Variants in ATP11A observed in about 807,000 individuals in gnomAD.
ATP11A encodes the protein phospholipid-transporting ATPase IH.
In ATP11A, 81 loss-of-function variants were observed where a neutral mutation model predicts 154.4. That is an observed-to-expected ratio of 0.52 (90% CI 0.44 to 0.63). ATP11A has a LOEUF of 0.63. Ranked by LOEUF, ATP11A falls within the 30% of genes least tolerant of loss-of-function variation. ATP11A has a pLI of 0.00. For synonymous variants in ATP11A, 623 were observed against 585.9 expected, an observed-to-expected ratio of 1.06 and a Z score of -0.91; for missense variants, 1,316 against 1,474.3, an observed-to-expected ratio of 0.89 and a Z score of 1.76.
chr13:112,856,986 GTCC>G (rs2079947252), intron 20 of ATP11A, among the ~76,000 whole-genome samples: 1 of 152,192 alleles, frequency 6.6e-6, no homozygotes, highest in Non-Finnish European at 1.5e-5. Context: ...ACGGTTTGAT[GTCC>G]TCCTCTCCCT....
chr13:112,796,816 C>A (rs1193367600), intron 2 of ATP11A, among the ~76,000 whole-genome samples: 1 of 151,770 alleles, frequency 6.6e-6, no homozygotes, highest in Non-Finnish European at 1.5e-5. Flanking sequence ...CCTGCCCTAG[C>A]CACATCGGGG....
At chr13:112,729,960 A>G (rs1266938313) in intron 1 of ATP11A, among the ~76,000 whole-genome samples, 2 of 152,254 alleles carry the variant, frequency 1.3e-5, no homozygotes, top group Non-Finnish European at 2.9e-5. Context: ...TCAATAGCCA[A>G]AGCTTGAACT....
intron 11 of ATP11A, 43 bp from the exon 12 acceptor site, chr13:112,826,651 C>G (rs1209078582): frequency 6.5e-7 from 1 of 1,538,044 alleles, no homozygotes; most frequent in African/African-American, 1.4e-5. Flanking sequence ...GGCCTGCTGT[C>G]CCTCCTGGTG....
chr13:112,880,870 C>G, intron 29 of ATP11A: 1 of 1,041,246 alleles, frequency 9.6e-7, no homozygotes, highest in African/African-American at 1.7e-5. Flanking sequence ...CGTGTGCACA[C>G]TCACCCCACA....
At chr13:112,727,037 G>A (rs1035973344) in intron 1 of ATP11A, among the ~76,000 whole-genome samples, 1 of 152,080 alleles carries the variant, frequency 6.6e-6, no homozygotes, top group African/African-American at 2.4e-5. Flanking sequence ...AAATCTGAAC[G>A]CTGCTGCTGC....
In ATP11A at chr13:112,754,272, A is replaced by G. The variant is rs543147819; in HGVS notation, c.40-30863A>G. Among the ~76,000 whole-genome samples the G allele has an allele frequency of 2.6e-5, 4 of 152,160 alleles. No homozygotes were observed. The highest frequency in any genetic ancestry group is 9.7e-5 in the African/African-American group (4 of 41,446). ...ACTGGCGGGACTGTTCACCTCTGCA[A>G]TCTGCCCCTTAGTGCCTCGGCTGAT... is the stretch of plus-strand genomic sequence containing the variant. On this transcript the variant is annotated intron_variant, in intron 1 of 29. Transcript: ENST00000375645. The surrounding 1 kb of genome is among the most constrained non-coding windows in gnomAD (Gnocchi z 5.3).
At chr13:112,699,982 C>A (rs934287946) in intron 1 of ATP11A, among the ~76,000 whole-genome samples, 41 of 150,848 alleles carry the variant, frequency 2.7e-4, no homozygotes, top group African/African-American at 9.8e-4. Flanking sequence ...CATTGTAAAG[C>A]GCTGTAAAAA....
chr13:112,876,498 A>G (rs1301929927), intron 28 of ATP11A, among the ~76,000 whole-genome samples: 2 of 152,128 alleles, frequency 1.3e-5, no homozygotes, highest in Non-Finnish European at 2.9e-5. Context: ...TCTGCCTTCA[A>G]GCTCAACCCT....
chr13:112,855,243 G>C (rs949024781), intron 19 of ATP11A, among the ~76,000 whole-genome samples: 1 of 152,178 alleles, frequency 6.6e-6, no homozygotes, highest in Non-Finnish European at 1.5e-5. Context: ...GCCTCAATCT[G>C]TCGCCCAGGC....
chr13:112,878,990 C>A (rs540420613), intron 29 of ATP11A, among the ~76,000 whole-genome samples: 112 of 152,294 alleles, frequency 7.4e-4, no homozygotes, highest in Non-Finnish European at 9.4e-4. Context: ...AAATGACGAC[C>A]TTGGCCTTTC....
intron 1 of ATP11A, among the ~76,000 whole-genome samples, chr13:112,716,861 G>A (rs1447996246): frequency 6.6e-6 from 1 of 152,174 alleles, no homozygotes; most frequent in Non-Finnish European, 1.5e-5. Flanking sequence ...GCGTTCTAAA[G>A]ATGGCTATGT....
chr13:112,716,920 C>T (rs538227659), intron 1 of ATP11A, among the ~76,000 whole-genome samples: 47 of 58,612 alleles, frequency 8.0e-4, no homozygotes, highest in Admixed American at 7.9e-3. Context: ...GGTGGACATC[C>T]GGGAGCTGGA....
At chr13:112,721,460 G>T (rs1004180641) in intron 1 of ATP11A, among the ~76,000 whole-genome samples, 1 of 152,248 alleles carries the variant, frequency 6.6e-6, no homozygotes, top group South Asian at 2.1e-4. Context: ...GGGTACTCCA[G>T]GCAGGGCCCA....
rs146912985 is a variant in ATP11A at position 112,692,511 on chromosome 13, C to T, written c.39+2056C>T. Among the ~76,000 whole-genome samples the T allele has an allele frequency of 1.2e-4, 19 of 152,276 alleles. No homozygotes were observed. The East Asian group carries it at 3.3e-3, about 26-fold the overall frequency. The stretch of plus-strand genomic sequence containing the variant: ...TTATATAGATCTATATAAGTGTTTG[C>T]GTAGCTTGCATTTTTAATTCCCCTT... On this transcript the variant is annotated intron_variant, in intron 1 of 29. Transcript: ENST00000375645.
intron 5 of ATP11A, among the ~76,000 whole-genome samples, chr13:112,814,180 C>T (rs935622867): frequency 6.6e-6 from 1 of 152,142 alleles, no homozygotes; most frequent in Non-Finnish European, 1.5e-5. Flanking sequence ...TCTCCTGCCT[C>T]AGCCTCCCAA....
chr13:112,791,353 C>T (rs1400218208), intron 2 of ATP11A, among the ~76,000 whole-genome samples: 3 of 152,248 alleles, frequency 2.0e-5, no homozygotes, highest in African/African-American at 7.2e-5. Context: ...CAGCCTGCCC[C>T]CTGGGAGCTG....
chr13:112,727,685 C>G (rs1890023783), intron 1 of ATP11A, among the ~76,000 whole-genome samples: 1 of 152,226 alleles, frequency 6.6e-6, no homozygotes. Context: ...ATTTGGCAGG[C>G]AGAGGTAGTC....
rs773436710 is a variant in ATP11A, at chr13:112,860,296, G to A, written c.2737G>A (p.Asp913Asn). Residue 913 changes from aspartate to asparagine, a missense_variant, in exon 24 of 30, where the codon GAC becomes AAC. Coordinates refer to ENST00000375645, the MANE Select transcript of ATP11A (RefSeq NM_015205.3). ...FCGFSQQTLYDTAYLTLYNIS... is the reference protein window; with the variant it reads ...FCGFSQQTLYNTAYLTLYNIS... ...GACTTTCCTCTTACAGACTTTGTAC[G>A]ACACCGCGTATCTGACCCTCTACAA... The A allele has an allele frequency of 4.3e-5, 69 of 1,613,694 alleles. No individual in the cohort carries two copies. The highest frequency in any genetic ancestry group is 2.6e-4 in the South Asian group (24 of 91,056).
intron 25 of ATP11A, among the ~76,000 whole-genome samples, chr13:112,866,364 T>G (rs2080333056): frequency 6.6e-6 from 1 of 152,138 alleles, no homozygotes. Context: ...CGCACATCCT[T>G]GCTGTGTTCC....
Sources: gnomAD v4.1 joint callset for allele counts (sites outside exome capture counted in the v4.1 genomes callset) on GRCh38, gnomAD v4.1.1 for gene constraint, Gnocchi (gnomAD v3.1) non-coding constraint, MANE v1.5 for transcripts, NCBI Gene and HGNC (gene_info 2026-07-23, HGNC 2026-07-21) for gene names.